CNGA4: variants seen among roughly 807,000 people sequenced by gnomAD.
CNGA4 encodes cyclic nucleotide gated channel subunit alpha 4, also known as cyclic nucleotide-gated channel alpha-4.
Under a neutral mutation model 45.6 loss-of-function variants are expected in CNGA4, and 32 were observed. The ratio of observed to expected loss-of-function variants is 0.70; its 90% CI spans 0.53 to 0.94. The LOEUF is 0.94. Among genes scored for constraint, CNGA4 ranks in the 40% least tolerant of loss-of-function variants. The pLI is 0.00. For synonymous variants in CNGA4, 293 were observed against 304.6 expected, an observed-to-expected ratio of 0.96 and a Z score of 0.40; for missense variants, 726 against 755.1, an observed-to-expected ratio of 0.96 and a Z score of 0.45.
At chr11:6,239,908 T>C (rs1847886508) in intron 3 of CNGA4, 118 bp downstream of exon 3, 2 of 1,341,962 alleles carry the variant, frequency 1.5e-6, no homozygotes, top group East Asian at 4.9e-5. Context: ...CCTCTATGCC[T>C]GACAGCATCC....
rs894024099 is a variant in CNGA4, at chr11:6,240,862, G to C, written c.917+151G>C. On this transcript the variant is annotated intron_variant, in intron 4 of 5. Transcript: ENST00000379936. The surrounding 1 kb of genome is among the most constrained non-coding windows in gnomAD (Gnocchi z 4.9). Reference sequence around the variant, plus strand: ...GTTTGCTGGCTGGGGCTTGGAAAAAGGGAACTTCTTTCAACTGAGGGAATC... The same window carrying C: ...GTTTGCTGGCTGGGGCTTGGAAAAACGGAACTTCTTTCAACTGAGGGAATC... 3.0e-5 allele frequency: 29 copies of C among 952,414 alleles called. No homozygotes were observed. Among genetic ancestry groups the C allele is most frequent in the Non-Finnish European group, 4.3e-5 (28 of 647,616 alleles). The allele number at this position is 952,414 out of a possible 1,614,324, so 59.0% of individuals were successfully genotyped here.
upstream of CNGA4, among the ~76,000 whole-genome samples, chr11:6,237,442 A>C (rs1289044354): frequency 6.6e-6 from 1 of 152,168 alleles, no homozygotes; most frequent in Non-Finnish European, 1.5e-5. Context: ...ACTGAAACTC[A>C]GGGAGAGTTC....
rs1455803420 is a variant in CNGA4, at chr11:6,240,827, T to G, written c.917+116T>G. The G allele has an allele frequency of 7.6e-7, 1 of 1,321,502 alleles. No individual in the cohort carries two copies. The highest frequency in any genetic ancestry group is 1.5e-5 in the African/African-American group (1 of 67,944). 81.9% of individuals were successfully genotyped at this position (1,321,502 alleles called of 1,614,324 possible). The stretch of plus-strand genomic sequence containing the variant: ...AGGCAAGGCTGTCAAAATGTAGCAT[T>G]CAGCCGTGGGTTTGCTGGCTGGGGC... On this transcript the variant is annotated intron_variant, in intron 4 of 5. Coordinates refer to ENST00000379936, the MANE Select transcript of CNGA4 (RefSeq NM_001037329.4). This position sits in a 1 kb window ranked among gnomAD's most constrained non-coding sequence, Gnocchi z 4.9.
rs563032962 is a variant in CNGA4 at position 6,240,543 on chromosome 11, A to C, written c.749A>C (p.Asp250Ala). The change falls in exon 4 of 6, where the codon GAC (aspartate) becomes GCC (alanine). Residue 250 changes from aspartate (D) to alanine (A), a missense_variant. Physicochemically the swap from Asp to Ala is moderately radical, Grantham distance 126. Coordinates refer to ENST00000379936, the MANE Select transcript of CNGA4 (RefSeq NM_001037329.4). The surrounding 1 kb of genome is among the most constrained non-coding windows in gnomAD (Gnocchi z 4.9). ...REEEYLFMVG[D>A]FLLAVMGFAT... ...GAAGAGTACCTCTTCATGGTGGGCGACTTCCTGCTGGCCGTCATGGGTTTC... is the reference window on the plus strand; with the variant it reads ...GAAGAGTACCTCTTCATGGTGGGCGCCTTCCTGCTGGCCGTCATGGGTTTC... The C allele has an allele frequency of 1.2e-6, 2 of 1,614,196 alleles. No homozygotes were observed. Among genetic ancestry groups the C allele is most frequent in the East Asian group, 4.5e-5 (2 of 44,880 alleles).
chr11:6,237,002 G>T (rs1465967938), upstream of CNGA4, among the ~76,000 whole-genome samples: 2 of 152,158 alleles, frequency 1.3e-5, no homozygotes, highest in African/African-American at 4.8e-5. Context: ...CCTGGGCTGG[G>T]ATAATGAAAA....
intron 2 of CNGA4, 58 bp from the exon 3 acceptor site, chr11:6,239,626 A>T: frequency 1.3e-6 from 2 of 1,579,698 alleles, no homozygotes; most frequent in South Asian, 2.2e-5. Context: ...GGCCCTGGGG[A>T]GACGCCTCGC....
In CNGA4 at chr11:6,244,428, G is replaced by T; in HGVS notation, c.*19G>T. 6.3e-7 allele frequency: 1 copy of T among 1,587,690 alleles called. No homozygotes were observed. The highest frequency in any genetic ancestry group is 8.6e-7 in the Non-Finnish European group (1 of 1,165,216). On this transcript the variant is annotated 3_prime_UTR_variant, in exon 6 of 6. Coordinates refer to ENST00000379936, the MANE Select transcript of CNGA4 (RefSeq NM_001037329.4). The surrounding 1 kb of genome is among the most constrained non-coding windows in gnomAD (Gnocchi z 4.5). ...AGAGTGACCCCATCCCCATCCCCAG[G>T]ATTCCCACCTCCTAGTGAATCCAGA...
rs751213865 is a variant in CNGA4 at position 6,240,160 on chromosome 11, G to A, written c.366G>A (p.Leu122=). The A allele has an allele frequency of 6.2e-7, 1 of 1,614,200 alleles. No individual in the cohort carries two copies. Among genetic ancestry groups the A allele is most frequent in the East Asian group, 2.2e-5 (1 of 44,872 alleles). ...TWSFFLDLAS[L]MPTDVVYVRL... ...GTTTCTTCTTGGACCTGGCTTCCCT[G>A]ATGCCCACAGATGTGGTCTACGTGC... The change falls in exon 4 of 6, where the codon CTG becomes CTA. Residue 122 remains leucine, a synonymous_variant. Coordinates refer to ENST00000379936, the MANE Select transcript of CNGA4 (RefSeq NM_001037329.4). This position sits in a 1 kb window ranked among gnomAD's most constrained non-coding sequence, Gnocchi z 4.9.
chr11:6,243,864 G>T (rs1438020147), intron 5 of CNGA4, 85 bp from the exon 6 acceptor site: 3 of 1,213,668 alleles, frequency 2.5e-6, no homozygotes, highest in Non-Finnish European at 3.5e-6. Flanking sequence ...CACAAATATG[G>T]AGGTGAAGGT....
upstream of CNGA4, among the ~76,000 whole-genome samples, chr11:6,238,209 C>A (rs377202332): frequency 3.3e-5 from 5 of 152,316 alleles, no homozygotes; most frequent in East Asian, 5.8e-4. Context: ...TGTTTAGTTA[C>A]CTCATGTGTA....
intron 2 of CNGA4, 42 bp downstream of exon 2, chr11:6,239,527 A>T: frequency 6.2e-7 from 1 of 1,600,404 alleles, no homozygotes. Flanking sequence ...AGCCAAAAAG[A>T]GGACTAAAGA....
upstream of CNGA4, among the ~76,000 whole-genome samples, chr11:6,238,356 C>G (rs1847863944): frequency 6.6e-6 from 1 of 152,080 alleles, no homozygotes. Flanking sequence ...TATGGGTGTT[C>G]TGATTTTGAT....
chr11:6,244,496 G>A, downstream of CNGA4: 1 of 1,301,800 alleles, frequency 7.7e-7, no homozygotes, highest in Non-Finnish European at 1.1e-6. The surrounding 1 kb of genome is among the most constrained non-coding windows in gnomAD (Gnocchi z 4.5). Flanking sequence ...CATCCTGTCT[G>A]CGAGATCACA....
chr11:6,240,186 G>A lies in CNGA4; in HGVS notation c.392G>A (p.Arg131Gln), dbSNP rs779069159. The A allele has an allele frequency of 6.2e-6, 10 of 1,614,168 alleles. No individual in the cohort carries two copies. The highest frequency in any genetic ancestry group is 2.2e-5 in the South Asian group (2 of 91,088). ...SLMPTDVVYV[R>Q]LGPHTPTLRL... ...ATGCCCACAGATGTGGTCTACGTGC[G>A]GCTGGGCCCGCACACACCCACCCTG... The change falls in exon 4 of 6, where the codon CGG becomes CAG. Residue 131 changes from arginine (R) to glutamine (Q), a missense_variant. Arg to Gln is a conservative substitution (Grantham distance 43). Coordinates refer to ENST00000379936, the MANE Select transcript of CNGA4 (RefSeq NM_001037329.4). The surrounding 1 kb of genome is among the most constrained non-coding windows in gnomAD (Gnocchi z 4.9).
upstream of CNGA4, among the ~76,000 whole-genome samples, chr11:6,235,168 G>A (rs1473794373): frequency 1.3e-5 from 2 of 152,146 alleles, no homozygotes; most frequent in Non-Finnish European, 2.9e-5. Context: ...ATCAGTAGGT[G>A]GGCCGGGCCT....
At chr11:6,236,906 C>A (rs1847846561), upstream of CNGA4, among the ~76,000 whole-genome samples, 1 of 152,172 alleles carries the variant, frequency 6.6e-6, no homozygotes, top group Non-Finnish European at 1.5e-5. Context: ...TGTCTGGGGC[C>A]TTATTTGTAA....
upstream of CNGA4, among the ~76,000 whole-genome samples, chr11:6,235,985 T>C (rs1328593236): frequency 6.6e-6 from 1 of 152,198 alleles, no homozygotes; most frequent in Non-Finnish European, 1.5e-5. Context: ...TTGCCAATGT[T>C]AAATACCTGG....
At chr11:6,239,510 G>T (rs1392516045) in intron 2 of CNGA4, 25 bp downstream of exon 2, 1 of 1,611,124 alleles carries the variant, frequency 6.2e-7, no homozygotes, top group South Asian at 1.1e-5. Flanking sequence ...CTAAGGGAGG[G>T]GCTGGAAGCC....
At chr11:6,237,247 C>T (rs886791240), upstream of CNGA4, among the ~76,000 whole-genome samples, 2 of 152,036 alleles carry the variant, frequency 1.3e-5, no homozygotes, top group Non-Finnish European at 2.9e-5. Flanking sequence ...TTTTAACTGC[C>T]ACAACATTAT....
Sources: gnomAD v4.1 joint callset for allele counts (sites outside exome capture counted in the v4.1 genomes callset) on GRCh38, gnomAD v4.1.1 for gene constraint, Gnocchi (gnomAD v3.1) non-coding constraint, MANE v1.5 for transcripts, NCBI Gene and HGNC (gene_info 2026-07-23, HGNC 2026-07-21) for gene names.